AP1B1: variants seen among roughly 807,000 people sequenced by gnomAD.
AP1B1 encodes AP-1 complex subunit beta-1.
A neutral mutation model predicts 104.3 loss-of-function variants in AP1B1; 36 were observed. The observed-to-expected ratio is 0.35, with a 90% CI of 0.26 to 0.46. The LOEUF is 0.46. Ranked by LOEUF, AP1B1 falls within the 20% of genes least tolerant of loss-of-function variation. AP1B1 has a pLI of 1.00. For synonymous variants in AP1B1, 504 were observed against 517.5 expected (o/e 0.97, Z 0.35); for missense variants, 901 against 1,247.9 (o/e 0.72, Z 4.19).
intron 11 of AP1B1, 151 bp from the exon 12 acceptor site, chr22:29,342,534 A>G: frequency 3.1e-6 from 2 of 648,958 alleles, no homozygotes; most frequent in South Asian, 3.8e-5. Context: ...CACACAGGCA[A>G]AGGGCTGCCA....
At chr22:29,376,819 T>A (rs141284097) in intron 1 of AP1B1, among the ~76,000 whole-genome samples, 1 of 152,194 alleles carries the variant, frequency 6.6e-6, no homozygotes, top group South Asian at 2.1e-4. Context: ...CCCTGGACTG[T>A]GTACCTGCTC....
In AP1B1 at chr22:29,365,960, C is replaced by T. The variant is rs1187613537; in HGVS notation, c.37+1247G>A. 2.0e-5 allele frequency among the ~76,000 whole-genome samples: 3 copies of T among 152,302 alleles called. No individual in the cohort carries two copies. In the East Asian group the frequency reaches 5.8e-4, roughly 29 times the overall value. On this transcript the variant is annotated intron_variant, in intron 2 of 22. Transcript: ENST00000357586. ...CAGAGGCTCTGTTTCTTTTCCACTG[C>T]ACATGGTAGGTTCTCAGTAAAAACC...
At chr22:29,360,001 A>AG in intron 3 of AP1B1, 42 bp from the exon 4 acceptor site, 2 of 1,589,608 alleles carry the variant, frequency 1.3e-6, no homozygotes, top group Non-Finnish European at 1.7e-6. Flanking sequence ...AGGCTGAACA[A>AG]AGGAAGAGGA....
intron 21 of AP1B1, 109 bp downstream of exon 21, chr22:29,330,269 C>T: frequency 6.5e-7 from 1 of 1,542,358 alleles, no homozygotes; most frequent in Non-Finnish European, 8.7e-7. Flanking sequence ...GATTCTAGTT[C>T]AAGCCAGGCT....
chr22:29,358,684 CA>C (rs2061997129), intron 5 of AP1B1, 41 bp downstream of exon 5: 1 of 1,587,050 alleles, frequency 6.3e-7, no homozygotes, highest in South Asian at 1.1e-5. Flanking sequence ...CCAAGCAACC[CA>C]GGAGGTGGTG....
At chr22:29,329,178 G>A in intron 22 of AP1B1, 24 of 1,276,102 alleles carry the variant, frequency 1.9e-5, no homozygotes, top group Non-Finnish European at 2.4e-5. Flanking sequence ...GGCTGCCAGG[G>A]AGTGCCCGGC....
At chr22:29,375,264 C>T (rs188425215) in intron 1 of AP1B1, among the ~76,000 whole-genome samples, 45 of 137,534 alleles carry the variant, frequency 3.3e-4, no homozygotes, top group Admixed American at 3.0e-3. Flanking sequence ...GCAGGAGAAT[C>T]GCTTGAACCT....
rs781547198 is a variant in AP1B1 at position 29,328,904 on chromosome 22, G to C, written c.2776-9C>G. 5.0e-6 allele frequency: 8 copies of C among 1,606,548 alleles called. No homozygotes were observed. The South Asian group carries it at 9.0e-5, about 18-fold the overall frequency. ...CGACACTTCAGGGACAGCTGCAGGG[G>C]AGAGAGGGGTCGGGGGAAAGAGCGC... On this transcript the variant is annotated splice_polypyrimidine_tract_variant and intron_variant, in intron 22 of 22. Coordinates refer to ENST00000357586, the MANE Select transcript of AP1B1 (RefSeq NM_001127.4). The surrounding 1 kb of genome is among the most constrained non-coding windows in gnomAD (Gnocchi z 4.1).
Position 29,339,000 on chromosome 22 carries a change from G to T in AP1B1, c.2153C>A (p.Ala718Asp). The T allele has an allele frequency of 6.2e-7, 1 of 1,614,120 alleles. No individual in the cohort carries two copies. The highest frequency in any genetic ancestry group is 8.5e-7 in the Non-Finnish European group (1 of 1,180,030). Residue 718 changes from alanine (A) to aspartate (D), a missense_variant, in exon 16 of 23, where the codon GCC (alanine) becomes GAC (aspartate). By Grantham distance (126) the Ala-to-Asp change is moderately radical. Transcript: ENST00000357586. ...GVGTLSGSYV[A>D]PKAVWLPAMK... is the part of the protein sequence containing the mutation. ...AGACAAGTGACTTACTGCTTTGGGG[G>T]CCACATATGATCCTGACAGGGTGCC...
intron 11 of AP1B1, among the ~76,000 whole-genome samples, chr22:29,344,513 G>GC (rs2061760496): frequency 7.9e-6 from 1 of 127,252 alleles, no homozygotes; most frequent in African/African-American, 3.1e-5. Flanking sequence ...CCCTGGCCAA[G>GC]ATTTTTTTTT....
At chr22:29,365,590 G>A (rs1010432674) in intron 2 of AP1B1, among the ~76,000 whole-genome samples, 14 of 152,134 alleles carry the variant, frequency 9.2e-5, no homozygotes, top group African/African-American at 3.1e-4. Context: ...TGATCCCTGC[G>A]TACCTCTCCA....
rs79760348 is a variant in AP1B1, at chr22:29,351,423, A to C, written c.1060-157T>G. On this transcript the variant is annotated intron_variant, in intron 8 of 22. Coordinates refer to ENST00000357586, the MANE Select transcript of AP1B1 (RefSeq NM_001127.4). ...AAGGGAGAGAGCTGGCAGGTGCCTG[A>C]AAAGGAAAGAAGGCCTGGACAACCT... The C allele has an allele frequency of 8.7e-3, 8,258 of 953,038 alleles. 438 individuals are homozygous for C. In the African/African-American group the frequency reaches 0.12, roughly 14 times the overall value. The allele number at this position is 953,038 out of a possible 1,614,324, so 59.0% of individuals were successfully genotyped here. A position where few individuals can be genotyped will look rare whatever the true frequency, so the allele number is the denominator to read the frequency against.
Position 29,331,950 on chromosome 22 carries a change from G to A in AP1B1, c.2310-34C>T, listed in dbSNP as rs745363903. 6 of 1,585,938 alleles carry A rather than the reference G, an allele frequency of 3.8e-6. No homozygotes were observed. The South Asian group carries it at 6.7e-5, about 18-fold the overall frequency. The stretch of plus-strand genomic sequence containing the variant: ...AGAGAAGCCCCACAGGGATGGCAGG[G>A]GGAGTAGGTGCTGATGCGGGACAGG... On this transcript the variant is annotated intron_variant, in intron 17 of 22. Coordinates refer to ENST00000357586, the MANE Select transcript of AP1B1 (RefSeq NM_001127.4).
intron 22 of AP1B1, chr22:29,329,131 G>GCTGGGCT: frequency 7.5e-7 from 1 of 1,341,338 alleles, no homozygotes; most frequent in Non-Finnish European, 9.6e-7. Context: ...CCAGTCACCA[G>GCTGGGCT]AGCCCTGCTG....
At chr22:29,354,520 A>T in intron 7 of AP1B1, 130 bp downstream of exon 7, 2 of 867,802 alleles carry the variant, frequency 2.3e-6, no homozygotes, top group Non-Finnish European at 3.6e-6. Flanking sequence ...ACTTTGGTTA[A>T]GCTATTCTGG....
intron 16 of AP1B1, among the ~76,000 whole-genome samples, chr22:29,335,423 A>G (rs571252944): frequency 6.2e-4 from 93 of 150,696 alleles, no homozygotes; most frequent in African/African-American, 2.2e-3. Context: ...ACCCCACCCT[A>G]ACCCCCTTGA....
chr22:29,365,305 C>T (rs2148016916), intron 2 of AP1B1, among the ~76,000 whole-genome samples: 1 of 152,244 alleles, frequency 6.6e-6, no homozygotes, highest in Admixed American at 6.5e-5. Context: ...TGTCTGTCCA[C>T]ACATCTCTCT....
At chr22:29,363,709 C>T (rs1704756729) in intron 2 of AP1B1, among the ~76,000 whole-genome samples, 1 of 151,310 alleles carries the variant, frequency 6.6e-6, no homozygotes, top group African/African-American at 2.4e-5. Flanking sequence ...GCCTGGGTAA[C>T]ATAGTGAGAC....
intron 16 of AP1B1, 63 bp from the exon 17 acceptor site, chr22:29,334,473 G>C: frequency 6.6e-7 from 1 of 1,520,286 alleles, no homozygotes; most frequent in Non-Finnish European, 8.7e-7. Context: ...AAACTCAACA[G>C]CCCACCTGAG....
Sources: gnomAD v4.1 joint callset for allele counts (sites outside exome capture counted in the v4.1 genomes callset) on GRCh38, gnomAD v4.1.1 for gene constraint, Gnocchi (gnomAD v3.1) non-coding constraint, MANE v1.5 for transcripts, NCBI Gene and HGNC (gene_info 2026-07-23, HGNC 2026-07-21) for gene names.